Variants in PDZRN4 observed in about 807,000 individuals in gnomAD.
PDZRN4 encodes PDZ domain-containing RING finger protein 4.
In PDZRN4, 70 loss-of-function variants were observed where a neutral mutation model predicts 99.0. That is an observed-to-expected ratio of 0.71 (90% confidence interval 0.58 to 0.86). The LOEUF is 0.86. Among genes scored for constraint, PDZRN4 ranks in the 40% least tolerant of loss-of-function variants. PDZRN4 has a pLI of 0.00. For missense variants in PDZRN4, 1,474 were observed against 1,331.2 expected (o/e 1.11, Z -1.67); for synonymous variants, 551 against 501.6 (o/e 1.10, Z -1.32).
chr12:41,217,322 C>T (rs1215399450), intron 3 of PDZRN4, among the ~76,000 whole-genome samples: 2 of 151,982 alleles, frequency 1.3e-5, no homozygotes, highest in African/African-American at 4.8e-5. Flanking sequence ...TAGAGGGGTC[C>T]TGTCCTTATT....
chr12:41,207,848 T>C (rs963075204), intron 3 of PDZRN4, among the ~76,000 whole-genome samples: 1 of 151,790 alleles, frequency 6.6e-6, no homozygotes, highest in East Asian at 1.9e-4. Context: ...ATAGTAAACA[T>C]GCTGTAACAT....
intron 3 of PDZRN4, among the ~76,000 whole-genome samples, chr12:41,392,229 A>G (rs1439245375): frequency 6.6e-6 from 1 of 152,142 alleles, no homozygotes; most frequent in Non-Finnish European, 1.5e-5. Context: ...GTGTTCCTCT[A>G]GGACAATGAT....
chr12:41,252,414 G>A (rs190825316), intron 3 of PDZRN4, among the ~76,000 whole-genome samples: 1 of 152,258 alleles, frequency 6.6e-6, no homozygotes, highest in Non-Finnish European at 1.5e-5. Context: ...AGTGATAGCA[G>A]GCAGACACAA....
intron 3 of PDZRN4, among the ~76,000 whole-genome samples, chr12:41,460,717 G>A (rs1005973036): frequency 6.6e-6 from 1 of 152,180 alleles, no homozygotes; most frequent in African/African-American, 2.4e-5. Context: ...AAATATAGGA[G>A]GAGGAGGAGA....
At chr12:41,467,863 T>G (rs1011182952) in intron 3 of PDZRN4, among the ~76,000 whole-genome samples, 3 of 152,206 alleles carry the variant, frequency 2.0e-5, no homozygotes, top group African/African-American at 7.2e-5. Flanking sequence ...TCATGGTGTA[T>G]TCCCCTTTTT....
intron 3 of PDZRN4, among the ~76,000 whole-genome samples, chr12:41,459,191 CT>C (rs1439108738): frequency 6.6e-6 from 1 of 152,128 alleles, no homozygotes; most frequent in African/African-American, 2.4e-5. Context: ...GGTGATTTGT[CT>C]GTATTTATTA....
In PDZRN4 at chr12:41,477,802, A is replaced by G. The variant is rs1197069897; in HGVS notation, c.844-28654A>G. ...TGAAAAGCCCACAGGCGCCTTTACC[A>G]TGCATGTGGTAATGATTTTGATTAT... On this transcript the variant is annotated intron_variant, in intron 3 of 9. Transcript: ENST00000402685. 4 of 929,192 alleles carry G rather than the reference A, an allele frequency of 4.3e-6. No homozygotes were observed. In the East Asian group the frequency reaches 7.8e-5, roughly 18 times the overall value. The allele number at this position is 929,192 out of a possible 1,614,324, so 57.6% of individuals were successfully genotyped here.
chr12:41,276,268 C>T (rs1352013032), intron 3 of PDZRN4, among the ~76,000 whole-genome samples: 1 of 151,948 alleles, frequency 6.6e-6, no homozygotes, highest in Admixed American at 6.6e-5. Flanking sequence ...ATAATGGAAA[C>T]CAAAAAGAAA....
rs772694847 is a variant in PDZRN4 at position 41,196,233 on chromosome 12, T to C, written c.843+2045T>C. The stretch of plus-strand genomic sequence containing the variant: ...CCCTGTAAGATAAAAAGTAAGGAGG[T>C]CAACCACAGAAATTCAAATGAAATT... On this transcript the variant is annotated intron_variant, in intron 3 of 9. Transcript: ENST00000402685. Among the ~76,000 whole-genome samples the C allele has an allele frequency of 3.3e-5, 5 of 152,098 alleles. No homozygotes were observed. The South Asian group carries it at 1.0e-3, about 32-fold the overall frequency.
chr12:41,484,649 C>T (rs1164391900), intron 3 of PDZRN4, among the ~76,000 whole-genome samples: 2 of 152,184 alleles, frequency 1.3e-5, no homozygotes, highest in African/African-American at 4.8e-5. Flanking sequence ...CATCTCACCT[C>T]ATATAACCCT....
At chr12:41,372,423 G>T (rs1952048561) in intron 3 of PDZRN4, among the ~76,000 whole-genome samples, 1 of 152,182 alleles carries the variant, frequency 6.6e-6, no homozygotes, top group South Asian at 2.1e-4. Flanking sequence ...AAGACTGGGT[G>T]ATAAATGTTG....
chr12:41,439,202 AAAG>A (rs1952656478), intron 3 of PDZRN4, among the ~76,000 whole-genome samples: 1 of 152,232 alleles, frequency 6.6e-6, no homozygotes, highest in Admixed American at 6.5e-5. Flanking sequence ...TAGACAGGAA[AAAG>A]AAGATTAACA....
chr12:41,381,190 T>C (rs1952122766), intron 3 of PDZRN4, among the ~76,000 whole-genome samples: 1 of 152,194 alleles, frequency 6.6e-6, no homozygotes, highest in Non-Finnish European at 1.5e-5. Context: ...TGTGTTTCAG[T>C]GTAAATAAAC....
chr12:41,257,671 A>G (rs1951212618), intron 3 of PDZRN4, among the ~76,000 whole-genome samples: 3 of 152,236 alleles, frequency 2.0e-5, no homozygotes, highest in Admixed American at 6.5e-5. Flanking sequence ...GAAGTGTGGT[A>G]TCATGAAATT....
chr12:41,510,478 A>T (rs1938287147), intron 5 of PDZRN4, among the ~76,000 whole-genome samples: 1 of 152,158 alleles, frequency 6.6e-6, no homozygotes, highest in Admixed American at 6.6e-5. Context: ...ATATATAACA[A>T]TTCGAAAAGT....
intron 3 of PDZRN4, among the ~76,000 whole-genome samples, chr12:41,447,135 A>G (rs1167830128): frequency 2.0e-5 from 3 of 152,200 alleles, no homozygotes; most frequent in Admixed American, 6.6e-5. Flanking sequence ...GTCAATTTTA[A>G]TCATAGAATA....
intron 1 of PDZRN4, among the ~76,000 whole-genome samples, chr12:41,189,389 CCA>C (rs1464279098): frequency 1.3e-5 from 2 of 152,160 alleles, no homozygotes; most frequent in African/African-American, 4.8e-5. Context: ...CATTTTCCAT[CCA>C]GACTCTCGTT....
intron 3 of PDZRN4, among the ~76,000 whole-genome samples, chr12:41,205,152 A>G (rs759383759): frequency 5.3e-5 from 8 of 151,972 alleles, no homozygotes; most frequent in African/African-American, 7.2e-5. Flanking sequence ...CATCAGACAT[A>G]CATTTGTCCT....
At chr12:41,366,916 T>C (rs908989803) in intron 3 of PDZRN4, among the ~76,000 whole-genome samples, 4 of 152,098 alleles carry the variant, frequency 2.6e-5, no homozygotes, top group Admixed American at 6.6e-5. Context: ...CTGAGTGGGC[T>C]ACAATGCAGT....
Sources: gnomAD v4.1 joint callset for allele counts (sites outside exome capture counted in the v4.1 genomes callset) on GRCh38, gnomAD v4.1.1 for gene constraint, MANE v1.5 for transcripts, NCBI Gene and HGNC (gene_info 2026-07-23, HGNC 2026-07-21) for gene names.